The following AKT3 variants were observed in gnomAD, a reference collection of about 807,000 sequenced individuals.
The protein encoded by AKT3 is RAC-gamma serine/threonine-protein kinase.
In AKT3, 15 loss-of-function variants were observed where a neutral mutation model predicts 65.3. That is an observed-to-expected ratio of 0.23 (90% CI 0.15 to 0.35). The LOEUF (loss-of-function observed/expected upper bound fraction) is 0.35, where lower values mean the gene tolerates loss of function less well. AKT3 is among the 10% of genes least tolerant of loss of function. AKT3 has a pLI of 1.00. For missense variants in AKT3, 243 were observed against 576.5 expected (o/e 0.42, Z 5.92); for synonymous variants, 206 against 183.8 (o/e 1.12, Z -0.98).
In AKT3 at chr1:243,617,819, G is replaced by A. The variant is rs547675963; in HGVS notation, c.562-2658C>T. ...TGGCTTGGACTACTATGGTGGCAGC[G>A]GAAAAAGAAAAAGGGGATAGTTCTG... On this transcript the variant is annotated intron_variant, in intron 6 of 13. Transcript: ENST00000673466. Among the ~76,000 whole-genome samples the A allele has an allele frequency of 7.5e-4, 114 of 151,886 alleles. No homozygotes were observed. The Middle Eastern group carries it at 0.014, about 18-fold the overall frequency.
intron 8 of AKT3, among the ~76,000 whole-genome samples, chr1:243,591,145 A>G (rs909663319): frequency 1.3e-5 from 2 of 152,208 alleles, no homozygotes; most frequent in African/African-American, 4.8e-5. Flanking sequence ...TCTACAATGG[A>G]TTGCCTCGGA....
Position 243,799,907 on chromosome 1 carries a change from T to C in AKT3, c.46+43218A>G, listed in dbSNP as rs548088770. On this transcript the variant is annotated intron_variant, in intron 2 of 13. Transcript: ENST00000673466. ...TAAATAGTGAAAAGAAAAATATTTC[T>C]TTCTAGTTAAAAAAGGATGAAGACA... 5.3e-5 allele frequency among the ~76,000 whole-genome samples: 8 copies of C among 152,336 alleles called. No homozygotes were observed. In the East Asian group the frequency reaches 1.5e-3, roughly 29 times the overall value.
intron 10 of AKT3, among the ~76,000 whole-genome samples, chr1:243,562,636 C>T (rs1257102622): frequency 6.6e-6 from 1 of 152,070 alleles, no homozygotes; most frequent in Non-Finnish European, 1.5e-5. Context: ...TGCATTGAAA[C>T]TGTCATTATG....
intron 4 of AKT3, among the ~76,000 whole-genome samples, chr1:243,659,875 A>C (rs1682144370): frequency 6.6e-6 from 1 of 152,196 alleles, no homozygotes; most frequent in Middle Eastern, 3.2e-3. Context: ...ATATAGATTC[A>C]GTTTGCCACT....
chr1:243,781,378 T>C (rs1342458913), intron 2 of AKT3, among the ~76,000 whole-genome samples: 2 of 152,174 alleles, frequency 1.3e-5, no homozygotes, highest in Non-Finnish European at 2.9e-5. Context: ...TTGGTTCATT[T>C]TGTTTTACTT....
chr1:243,573,877 A>C (rs139487644), intron 8 of AKT3, among the ~76,000 whole-genome samples: 52 of 152,312 alleles, frequency 3.4e-4, no homozygotes, highest in African/African-American at 1.2e-3. Flanking sequence ...TTCATTAAAG[A>C]AACTACAAAT....
chr1:243,738,112 T>A (rs1449698575), intron 2 of AKT3, among the ~76,000 whole-genome samples: 1 of 152,336 alleles, frequency 6.6e-6, no homozygotes, highest in East Asian at 1.9e-4. Flanking sequence ...TTTTTCACAT[T>A]TGCATCCTAA....
chr1:243,538,677 C>T (rs895112272), intron 12 of AKT3, among the ~76,000 whole-genome samples: 5 of 151,862 alleles, frequency 3.3e-5, no homozygotes, highest in African/African-American at 9.7e-5. Context: ...TTGCTGCCAT[C>T]TATACAGAAG....
intron 8 of AKT3, among the ~76,000 whole-genome samples, chr1:243,586,416 A>G (rs1171156487): frequency 6.6e-6 from 1 of 152,182 alleles, no homozygotes; most frequent in Non-Finnish European, 1.5e-5. Flanking sequence ...AAGAAAACAA[A>G]TTGTTCTATA....
At chr1:243,837,713 C>T (rs947537514) in intron 2 of AKT3, among the ~76,000 whole-genome samples, 2 of 152,000 alleles carry the variant, frequency 1.3e-5, no homozygotes, top group African/African-American at 2.4e-5. Context: ...AAAAACTCTC[C>T]GAACTAGGAA....
At chr1:243,544,961 G>C (rs1316388343) in intron 12 of AKT3, among the ~76,000 whole-genome samples, 1 of 151,782 alleles carries the variant, frequency 6.6e-6, no homozygotes, top group African/African-American at 2.4e-5. Context: ...GCCTCCCAAA[G>C]TGCTGGGATT....
downstream of AKT3, among the ~76,000 whole-genome samples, chr1:243,498,830 T>C (rs1031051939): frequency 1.3e-5 from 2 of 152,200 alleles, no homozygotes; most frequent in Non-Finnish European, 2.9e-5. Flanking sequence ...GGAAGATGGT[T>C]CCTAACTAAA....
At chr1:243,788,233 T>A (rs1691388893) in intron 2 of AKT3, among the ~76,000 whole-genome samples, 2 of 152,122 alleles carry the variant, frequency 1.3e-5, no homozygotes, top group Admixed American at 6.5e-5. Flanking sequence ...ACATCTAACA[T>A]GGAACAAAAC....
At chr1:243,831,995 G>A (rs1558854733) in intron 2 of AKT3, among the ~76,000 whole-genome samples, 1 of 151,214 alleles carries the variant, frequency 6.6e-6, no homozygotes, top group African/African-American at 2.4e-5. Context: ...TATAAGACTA[G>A]AGAGGCCACC....
chr1:243,527,936 CAGAGAGAGAGAG>C (rs141407272), intron 12 of AKT3, among the ~76,000 whole-genome samples: 2 of 38,246 alleles, frequency 5.2e-5, no homozygotes, highest in African/African-American at 1.5e-4. Context: ...CACACACACA[CAGAGAGAGAGAG>C]AGAGAGAGAG....
At chr1:243,543,224 T>C (rs551032028) in intron 12 of AKT3, among the ~76,000 whole-genome samples, 10 of 152,312 alleles carry the variant, frequency 6.6e-5, no homozygotes, top group South Asian at 6.2e-4. Context: ...GGAGCTGAGA[T>C]AGGACAGGCC....
chr1:243,735,788 G>T (rs1295786783), intron 2 of AKT3: 2 of 152,176 alleles, frequency 1.3e-5, no homozygotes, highest in African/African-American at 4.8e-5. Flanking sequence ...GGGTCAAACT[G>T]TAGAGGAGAG....
intron 9 of AKT3, among the ~76,000 whole-genome samples, chr1:243,567,187 G>A (rs116645878): frequency 0.01 from 1,547 of 152,210 alleles, 18 homozygotes; most frequent in African/African-American, 0.036. Context: ...AGGCTGAAGC[G>A]GGAGAGTTAC....
intron 4 of AKT3, among the ~76,000 whole-genome samples, chr1:243,663,052 G>A (rs1350812168): frequency 6.6e-6 from 1 of 152,186 alleles, no homozygotes; most frequent in Non-Finnish European, 1.5e-5. Context: ...ATTGACATGG[G>A]AAAAGTACCA....
Sources: allele counts gnomAD v4.1 joint callset (sites outside exome capture counted in the v4.1 genomes callset), GRCh38; gene constraint gnomAD v4.1.1; transcripts MANE v1.5; gene names NCBI Gene and HGNC (gene_info 2026-07-23, HGNC 2026-07-21).